The following LRIG3 variants were observed in gnomAD, a reference collection of about 807,000 sequenced individuals.
LRIG3 encodes the protein leucine-rich repeats and immunoglobulin-like domains protein 3.
In LRIG3, 76 loss-of-function variants were observed where a neutral mutation model predicts 114.5. The ratio of observed to expected loss-of-function variants is 0.66; its 90% CI spans 0.55 to 0.80. LRIG3 has a LOEUF of 0.80. Ranked by LOEUF, LRIG3 falls within the 30% of genes least tolerant of loss-of-function variation. The pLI is 0.00. For missense variants in LRIG3, 1,239 were observed against 1,382.8 expected, an observed-to-expected ratio of 0.90 and a Z score of 1.65; for synonymous variants, 512 against 519.8, an observed-to-expected ratio of 0.98 and a Z score of 0.20.
intron 3 of LRIG3, among the ~76,000 whole-genome samples, chr12:58,902,939 T>C (rs925865046): frequency 6.6e-6 from 1 of 152,188 alleles, no homozygotes; most frequent in African/African-American, 2.4e-5. Context: ...ATGGTGTATA[T>C]GTGCCACATT....
intron 3 of LRIG3, among the ~76,000 whole-genome samples, chr12:58,897,311 AGTCAG>A (rs1190883806): frequency 6.6e-6 from 1 of 152,254 alleles, no homozygotes; most frequent in East Asian, 1.9e-4. Context: ...TTCAGCAAAA[AGTCAG>A]GTCAACATAA....
chr12:58,873,344 A>T (rs553448677), intron 18 of LRIG3, among the ~76,000 whole-genome samples: 1 of 152,380 alleles, frequency 6.6e-6, no homozygotes, highest in South Asian at 2.1e-4. Context: ...AAATAATTAC[A>T]CTGTGATAAA....
Position 58,880,679 on chromosome 12 carries a change from AG to A in LRIG3, c.1702del (p.Leu568CysfsTer32). ...CTCACTGGCAAATTCCACCTCGCGCAGCCGAAGGATGGTGGTATACTCCATC... is the reference window on the plus strand; with the variant it reads ...CTCACTGGCAAATTCCACCTCGCGCACCGAAGGATGGTGGTATACTCCATC... ...EVMEYTTILRLREVEFASEGK... is the reference protein window; with the variant it reads ...EVMEYTTILRXREVEFASEGK... On this transcript the variant is annotated frameshift_variant, in exon 13 of 19. Coordinates refer to ENST00000320743, the MANE Select transcript of LRIG3 (RefSeq NM_153377.5). LOFTEE classifies it high-confidence loss of function. The A allele has an allele frequency of 6.2e-7, 1 of 1,614,230 alleles. No individual in the cohort carries two copies.
At chr12:58,914,731 T>C (rs904684223) in intron 1 of LRIG3, 1 of 167,044 alleles carries the variant, frequency 6.0e-6, no homozygotes, top group Non-Finnish European at 1.3e-5. Context: ...TAGAAATCTT[T>C]TTATTGTCAT....
intron 12 of LRIG3, among the ~76,000 whole-genome samples, 195 bp from the exon 13 acceptor site, chr12:58,881,096 C>T (rs564680817): frequency 2.0e-5 from 3 of 152,212 alleles, no homozygotes; most frequent in Admixed American, 6.5e-5. Context: ...TCATTCATCT[C>T]GAATACAGAT....
chr12:58,873,624 G>A (rs572941274), intron 18 of LRIG3: 1 of 183,692 alleles, frequency 5.4e-6, no homozygotes, highest in South Asian at 1.1e-4. Flanking sequence ...AGCAGTTGTT[G>A]CTAGGTAGGA....
intron 14 of LRIG3, 43 bp downstream of exon 14, chr12:58,878,781 T>C (rs1346487107): frequency 1.9e-6 from 3 of 1,578,906 alleles, no homozygotes; most frequent in Middle Eastern, 1.7e-4. Context: ...GCTAGTATCT[T>C]CAAGACTGAT....
intron 3 of LRIG3, among the ~76,000 whole-genome samples, chr12:58,911,566 T>G (rs1872275001): frequency 6.6e-6 from 1 of 152,222 alleles, no homozygotes; most frequent in Admixed American, 6.5e-5. Flanking sequence ...ACTCTTAATA[T>G]GAAAGTCAAA....
intron 3 of LRIG3, among the ~76,000 whole-genome samples, chr12:58,903,559 C>G (rs1229887482): frequency 2.0e-5 from 3 of 151,922 alleles, no homozygotes; most frequent in African/African-American, 7.3e-5. Context: ...TGCAGAAGCT[C>G]TTTAGTTTAA....
At position 58,890,778 on chromosome 12, in the gene LRIG3, A is replaced by G; in HGVS notation, c.402T>C (p.Val134=). The change falls in exon 4 of 19, where the codon GTT becomes GTC. Residue 134 remains valine, a synonymous_variant. Transcript: ENST00000320743. The part of the protein sequence containing the change: ...TLLSLAGNRI[V]EILPEHLKEF... ...CTTTCAGATGTTCAGGGAGTATTTC[A>G]ACAATCCTGTTTCCAGCCCTAGAAT... The G allele has an allele frequency of 6.2e-7, 1 of 1,605,748 alleles. No individual in the cohort carries two copies. The highest frequency in any genetic ancestry group is 8.5e-7 in the Non-Finnish European group (1 of 1,176,956).
In LRIG3 at chr12:58,908,984, T is replaced by C. The variant is rs572471000; in HGVS notation, c.383+4998A>G. Among the ~76,000 whole-genome samples the C allele has an allele frequency of 1.2e-4, 19 of 152,272 alleles. No individual in the cohort carries two copies. In the South Asian group the frequency reaches 3.7e-3, roughly 30 times the overall value. ...ATATACAAGGTAAGATGGGCCTGAA[T>C]GTGGCAGGGCAGGCTCAGCAGAGAT... On this transcript the variant is annotated intron_variant, in intron 3 of 18. Transcript: ENST00000320743.
At chr12:58,893,203 A>G (rs542327773) in intron 3 of LRIG3, among the ~76,000 whole-genome samples, 1 of 152,380 alleles carries the variant, frequency 6.6e-6, no homozygotes, top group South Asian at 2.1e-4. Flanking sequence ...AAACGGGCAT[A>G]CATTTTAAAT....
At chr12:58,887,083 A>G (rs1565616588) in intron 8 of LRIG3, 193 bp from the exon 9 acceptor site, 1 of 511,400 alleles carries the variant, frequency 2.0e-6, no homozygotes. Context: ...CAACATTTTA[A>G]GTTTTTCCCT....
At chr12:58,912,190 T>TA (rs1445528131) in intron 3 of LRIG3, among the ~76,000 whole-genome samples, 1 of 152,184 alleles carries the variant, frequency 6.6e-6, no homozygotes, top group African/African-American at 2.4e-5. Flanking sequence ...TTATAAGTTA[T>TA]AACGTTAAAG....
Position 58,878,948 on chromosome 12 carries a change from A to G in LRIG3, c.1959T>C (p.His653=), listed in dbSNP as rs769503032. The part of the protein sequence containing the change: ...DFPAARERRM[H]VMPEDDVFFI... The stretch of plus-strand genomic sequence containing the variant: ...AGAACACGTCATCCTCGGGCATCAC[A>G]TGCATGCGTCTCTCCCGTGCAGCTG... Residue 653 remains histidine (H), a synonymous_variant, in exon 14 of 19, where the codon CAT becomes CAC. Coordinates refer to ENST00000320743, the MANE Select transcript of LRIG3 (RefSeq NM_153377.5). 1 of 1,614,102 alleles carries G rather than the reference A, an allele frequency of 6.2e-7. No homozygotes were observed.
chr12:58,874,728 A>T (rs748638229), intron 16 of LRIG3, among the ~76,000 whole-genome samples, 155 bp from the exon 17 acceptor site: 1 of 152,220 alleles, frequency 6.6e-6, no homozygotes, highest in African/African-American at 2.4e-5. Context: ...GTTTTAAAAA[A>T]TTTATTAGAG....
chr12:58,895,281 G>A (rs542618442), intron 3 of LRIG3, among the ~76,000 whole-genome samples: 2 of 152,252 alleles, frequency 1.3e-5, no homozygotes, highest in Admixed American at 6.5e-5. Context: ...TAAGTGCAGC[G>A]ACAGGAAAGG....
intron 3 of LRIG3, among the ~76,000 whole-genome samples, chr12:58,891,715 C>T (rs979758598): frequency 2.6e-5 from 4 of 152,102 alleles, no homozygotes; most frequent in Admixed American, 2.0e-4. Context: ...TTCAATAGTA[C>T]AAAAGTATTA....
intron 12 of LRIG3, 68 bp downstream of exon 12, chr12:58,882,801 T>C (rs1871161390): frequency 9.5e-6 from 14 of 1,478,892 alleles, no homozygotes; most frequent in Non-Finnish European, 1.3e-5. Flanking sequence ...TTCAAAACCA[T>C]TATTTGGATA....
Sources: gnomAD v4.1 joint callset for allele counts (sites outside exome capture counted in the v4.1 genomes callset) on GRCh38, gnomAD v4.1.1 for gene constraint, MANE v1.5 for transcripts, NCBI Gene and HGNC (gene_info 2026-07-23, HGNC 2026-07-21) for gene names.